CAPRIN1: variants seen among roughly 807,000 people sequenced by gnomAD.
The protein encoded by CAPRIN1 is cell cycle associated protein 1.
A neutral mutation model predicts 100.9 loss-of-function variants in CAPRIN1; 29 were observed. The ratio of observed to expected loss-of-function variants is 0.29; its 90% confidence interval spans 0.21 to 0.39. The LOEUF is 0.39. Among genes scored for constraint, CAPRIN1 ranks in the 10% least tolerant of loss-of-function variants. CAPRIN1 has a pLI of 1.00. For missense variants in CAPRIN1, 795 were observed against 876.7 expected (o/e 0.91, Z 1.18); for synonymous variants, 338 against 307.5 (o/e 1.10, Z -1.04).
chr11:34,082,717 G>C (rs977031067), intron 7 of CAPRIN1, 108 bp from the exon 8 acceptor site: 1 of 750,548 alleles, frequency 1.3e-6, no homozygotes, highest in South Asian at 1.6e-5. Flanking sequence ...ATAATTCTCT[G>C]GGTTTGGACA....
rs916206461 is a variant in CAPRIN1, at chr11:34,079,840, CACTT to C, written c.826+81_826+84del. On this transcript the variant is annotated intron_variant, in intron 7 of 18. Transcript: ENST00000341394. ...GATTTTGCTACAAATTTAAACTATACACTTACTTAGTTTTCATATATGTACACTA... is the reference window on the plus strand; with the variant it reads ...GATTTTGCTACAAATTTAAACTATACACTTAGTTTTCATATATGTACACTA... 2.9e-6 allele frequency: 4 copies of C among 1,382,974 alleles called. No homozygotes were observed. The Admixed American group carries it at 6.7e-5, about 23-fold the overall frequency. 85.7% of individuals were successfully genotyped at this position (1,382,974 alleles called of 1,614,324 possible).
In CAPRIN1 at chr11:34,052,593, T is replaced by A. The variant is rs1040567739; in HGVS notation, c.173T>A (p.Leu58His). ...AVQTEAMKQI[L>H]GVIDKKLRNL... is the part of the protein sequence containing the mutation. ...CAGACCGAGGCCATGAAGCAGATTCTCGGGGTGATCGACAAGAAACTTCGG... is the reference window on the plus strand; with the variant it reads ...CAGACCGAGGCCATGAAGCAGATTCACGGGGTGATCGACAAGAAACTTCGG... The change falls in exon 2 of 19, where the codon CTC becomes CAC. Residue 58 changes from leucine (L) to histidine (H), a missense_variant. Leu to His is a moderately conservative substitution (Grantham distance 99). Coordinates refer to ENST00000341394, the MANE Select transcript of CAPRIN1 (RefSeq NM_005898.5). 4 of 1,611,074 alleles carry A rather than the reference T, an allele frequency of 2.5e-6. No homozygotes were observed. Among genetic ancestry groups the A allele is most frequent in the Non-Finnish European group, 3.4e-6 (4 of 1,179,130 alleles).
chr11:34,072,581 T>TTAAG (rs1200921628), intron 4 of CAPRIN1, among the ~76,000 whole-genome samples: 4 of 152,166 alleles, frequency 2.6e-5, no homozygotes, highest in Non-Finnish European at 5.9e-5. Context: ...TTTAGGAACC[T>TTAAG]TAAGGGGTAT....
chr11:34,082,747 C>G, intron 7 of CAPRIN1, 78 bp from the exon 8 acceptor site: 1 of 980,412 alleles, frequency 1.0e-6, no homozygotes, highest in Non-Finnish European at 1.6e-6. Context: ...TGACGTGTAT[C>G]TACCAATATC....
intron 2 of CAPRIN1, among the ~76,000 whole-genome samples, chr11:34,061,189 T>C (rs1214103445): frequency 6.6e-6 from 1 of 151,120 alleles, no homozygotes; most frequent in Non-Finnish European, 1.5e-5. Context: ...AATGGAACCT[T>C]AGGTAACATC....
At chr11:34,054,621 G>A (rs767702772) in intron 2 of CAPRIN1, among the ~76,000 whole-genome samples, 1 of 152,004 alleles carries the variant, frequency 6.6e-6, no homozygotes, top group Non-Finnish European at 1.5e-5. Context: ...TAGAGACAGG[G>A]TTTCACCCTG....
At chr11:34,093,427 A>G (rs1475278839) in intron 15 of CAPRIN1, among the ~76,000 whole-genome samples, 1 of 151,972 alleles carries the variant, frequency 6.6e-6, no homozygotes, top group East Asian at 1.9e-4. Context: ...TAGTTCTTTA[A>G]TTCCTCAGAA....
chr11:34,053,034 C>CG (rs563207213), intron 2 of CAPRIN1: 8 of 1,036,890 alleles, frequency 7.7e-6, no homozygotes, highest in African/African-American at 3.5e-5. Context: ...GGTCCCTGCG[C>CG]GGGGGGCTCC....
At chr11:34,091,850 T>C (rs1396062151) in intron 14 of CAPRIN1, 56 bp from the exon 15 acceptor site, 2 of 1,508,234 alleles carry the variant, frequency 1.3e-6, no homozygotes, top group Non-Finnish European at 1.8e-6. Flanking sequence ...AGTTTGGCCA[T>C]GTTATAAACC....
chr11:34,090,097 T>TA (rs1359352387), intron 12 of CAPRIN1, 82 bp from the exon 13 acceptor site: 1 of 713,502 alleles, frequency 1.4e-6, no homozygotes. Flanking sequence ...TTCTTAGCCT[T>TA]ATGCGTCTTA....
At chr11:34,062,977 T>C (rs1850613150) in intron 2 of CAPRIN1, 1 of 152,218 alleles carries the variant, frequency 6.6e-6, no homozygotes, top group Non-Finnish European at 1.5e-5. Context: ...TCTTTGCTAT[T>C]TATTTTTAAT....
intron 15 of CAPRIN1, among the ~76,000 whole-genome samples, chr11:34,092,997 T>C (rs1439680107): frequency 2.0e-5 from 3 of 151,752 alleles, no homozygotes; most frequent in Non-Finnish European, 1.5e-5. Flanking sequence ...TAGTTGGGAC[T>C]ACAGGTGCTT....
intron 15 of CAPRIN1, among the ~76,000 whole-genome samples, chr11:34,093,050 A>G (rs1238514317): frequency 1.4e-5 from 2 of 147,536 alleles, no homozygotes; most frequent in Non-Finnish European, 3.0e-5. Flanking sequence ...TTGTAGAGAT[A>G]GGGTCTCCAG....
chr11:34,098,005 A>G, intron 18 of CAPRIN1: 2 of 1,186,954 alleles, frequency 1.7e-6, no homozygotes, highest in Admixed American at 8.2e-5. Flanking sequence ...CTTCTCAGAA[A>G]AAGTGTTTTT....
At chr11:34,057,195 G>A (rs901681777) in intron 2 of CAPRIN1, among the ~76,000 whole-genome samples, 1 of 152,142 alleles carries the variant, frequency 6.6e-6, no homozygotes, top group African/African-American at 2.4e-5. Context: ...TTTTCCATGG[G>A]TTGCAAGAAC....
At position 34,102,525 on chromosome 11, in the gene CAPRIN1, AC is replaced by A. The variant is rs918337388; in HGVS notation, c.*3160del. Among the ~76,000 whole-genome samples, 25 of 152,198 alleles carry A rather than the reference AC, an allele frequency of 1.6e-4. No homozygotes were observed. On this transcript the variant is annotated 3_prime_UTR_variant, in exon 19 of 19. Coordinates refer to ENST00000341394, the MANE Select transcript of CAPRIN1 (RefSeq NM_005898.5). Reference sequence around the variant, plus strand: ...GTAAATTGTTAAGGCTCATCTTCATACCTTTTTCCATTTTGAATCCTACAAA... The same window carrying A: ...GTAAATTGTTAAGGCTCATCTTCATACTTTTTCCATTTTGAATCCTACAAA...
intron 2 of CAPRIN1, among the ~76,000 whole-genome samples, chr11:34,068,696 G>A (rs970223581): frequency 1.3e-5 from 2 of 152,126 alleles, no homozygotes; most frequent in African/African-American, 2.4e-5. Context: ...CAAACTATAT[G>A]TTCATTGCAC....
At chr11:34,064,810 G>A (rs1195965521) in intron 2 of CAPRIN1, among the ~76,000 whole-genome samples, 1 of 152,080 alleles carries the variant, frequency 6.6e-6, no homozygotes, top group Non-Finnish European at 1.5e-5. Flanking sequence ...ATAAACGAGT[G>A]TTCTCTTTAT....
chr11:34,070,780 G>A (rs543353501), intron 2 of CAPRIN1, among the ~76,000 whole-genome samples: 11 of 151,910 alleles, frequency 7.2e-5, no homozygotes, highest in African/African-American at 1.2e-4. Flanking sequence ...TCGGCTCACC[G>A]CAGCCTCTGC....
Sources: gnomAD v4.1 joint callset for allele counts (sites outside exome capture counted in the v4.1 genomes callset) on GRCh38, gnomAD v4.1.1 for gene constraint, MANE v1.5 for transcripts, NCBI Gene and HGNC (gene_info 2026-07-23, HGNC 2026-07-21) for gene names.